The following CACNA2D1 variants were observed in gnomAD, a reference collection of about 807,000 sequenced individuals.
CACNA2D1 encodes calcium voltage-gated channel auxiliary subunit alpha2delta 1, also known as voltage-dependent calcium channel subunit alpha-2/delta-1.
CACNA2D1 carries 53 observed loss-of-function variants against 171.5 expected under a neutral mutation model. That is an observed-to-expected ratio of 0.31 (90% CI 0.25 to 0.39). CACNA2D1 has a LOEUF of 0.39. CACNA2D1 is among the 10% of genes least tolerant of loss of function. CACNA2D1 has a pLI of 1.00. For synonymous variants in CACNA2D1, 442 were observed against 443.1 expected (o/e 1.00, Z 0.03); for missense variants, 903 against 1,299.8 (o/e 0.69, Z 4.69).
intron 32 of CACNA2D1, 60 bp from the exon 33 acceptor site, chr7:81,964,419 C>T (rs1303494881): frequency 3.8e-6 from 5 of 1,306,648 alleles, no homozygotes; most frequent in South Asian, 1.2e-5. Context: ...AAAATGAACA[C>T]GGGAATCACC....
chr7:82,417,210 C>T (rs1422620516), intron 1 of CACNA2D1, among the ~76,000 whole-genome samples: 1 of 152,154 alleles, frequency 6.6e-6, no homozygotes, highest in Non-Finnish European at 1.5e-5. Context: ...AGGGCCACCA[C>T]AAAATCTGTT....
intron 3 of CACNA2D1, among the ~76,000 whole-genome samples, chr7:82,291,798 C>T (rs1811672498): frequency 6.6e-6 from 1 of 151,108 alleles, no homozygotes. Flanking sequence ...AGCCACTGCA[C>T]CCAGCCCAGA....
At chr7:82,184,169 C>CTTT (rs72155870) in intron 3 of CACNA2D1, among the ~76,000 whole-genome samples, 2,680 of 127,352 alleles carry the variant, frequency 0.021, 73 homozygotes, top group East Asian at 0.1. Context: ...TCGGTTTCCT[C>CTTT]TTTTTTTTTT....
chr7:82,215,089 C>A (rs981525178), intron 3 of CACNA2D1, among the ~76,000 whole-genome samples: 14 of 152,168 alleles, frequency 9.2e-5, no homozygotes, highest in African/African-American at 3.4e-4. Context: ...ATTTGTCTTA[C>A]ATGAGTTTCT....
intron 1 of CACNA2D1, among the ~76,000 whole-genome samples, chr7:82,430,417 C>CAAAAAAA (rs3054724): frequency 3.1e-5 from 4 of 129,512 alleles, no homozygotes; most frequent in Admixed American, 8.0e-5. Context: ...GACTCCATCT[C>CAAAAAAA]AAAAAAAAAA....
chr7:82,181,140 T>C (rs1797102243), intron 3 of CACNA2D1, among the ~76,000 whole-genome samples: 1 of 136,254 alleles, frequency 7.3e-6, no homozygotes, highest in Non-Finnish European at 1.5e-5. Context: ...AAGAGAAGTT[T>C]TAACCAGGCC....
chr7:82,077,225 C>G (rs921379502), intron 7 of CACNA2D1, among the ~76,000 whole-genome samples: 3 of 152,138 alleles, frequency 2.0e-5, no homozygotes, highest in African/African-American at 7.2e-5. Flanking sequence ...TCCCCAATAT[C>G]TGTTTTCCTT....
chr7:82,091,223 C>T (rs941688004), intron 6 of CACNA2D1, among the ~76,000 whole-genome samples: 1 of 152,122 alleles, frequency 6.6e-6, no homozygotes, highest in Non-Finnish European at 1.5e-5. Context: ...GATGGGAAGA[C>T]CAAATCTAAT....
At chr7:81,979,166 T>C (rs555666446) in intron 24 of CACNA2D1, among the ~76,000 whole-genome samples, 8 of 152,152 alleles carry the variant, frequency 5.3e-5, no homozygotes, top group African/African-American at 1.9e-4. Flanking sequence ...GTTGTTTGGG[T>C]CTGGGGAGGG....
At chr7:82,340,107 A>G (rs1012972958) in intron 2 of CACNA2D1, among the ~76,000 whole-genome samples, 1 of 152,180 alleles carries the variant, frequency 6.6e-6, no homozygotes, top group African/African-American at 2.4e-5. Flanking sequence ...AAGATAATGA[A>G]TCTGCATTGT....
chr7:82,113,647 G>A (rs1477820490), intron 6 of CACNA2D1, among the ~76,000 whole-genome samples: 1 of 152,120 alleles, frequency 6.6e-6, no homozygotes, highest in Non-Finnish European at 1.5e-5. Flanking sequence ...GAAAAAGGCT[G>A]TTTCCTTCAG....
chr7:81,988,897 C>T (rs1797244139), intron 21 of CACNA2D1, among the ~76,000 whole-genome samples: 1 of 152,018 alleles, frequency 6.6e-6, no homozygotes, highest in South Asian at 2.1e-4. Flanking sequence ...ATAAGTTTCT[C>T]TATATATGTT....
At chr7:81,992,670 A>T (rs1300062843) in intron 20 of CACNA2D1, among the ~76,000 whole-genome samples, 1 of 152,226 alleles carries the variant, frequency 6.6e-6, no homozygotes, top group East Asian at 1.9e-4. Context: ...AGCAGAAATT[A>T]TAATCTTGTT....
intron 3 of CACNA2D1, among the ~76,000 whole-genome samples, chr7:82,334,900 C>T (rs555809049): frequency 6.6e-6 from 1 of 151,842 alleles, no homozygotes; most frequent in South Asian, 2.1e-4. Flanking sequence ...GATACATATA[C>T]ATATAATCAA....
intron 1 of CACNA2D1, among the ~76,000 whole-genome samples, chr7:82,357,414 T>A (rs1820553567): frequency 6.6e-6 from 1 of 152,162 alleles, no homozygotes; most frequent in African/African-American, 2.4e-5. Context: ...TTAATTGTTT[T>A]AAATCCTAAG....
chr7:82,164,671 C>A (rs1195189066), intron 4 of CACNA2D1, among the ~76,000 whole-genome samples: 2 of 151,652 alleles, frequency 1.3e-5, no homozygotes, highest in South Asian at 2.1e-4. Flanking sequence ...GCTTAGTATA[C>A]CCTAAATATA....
intron 3 of CACNA2D1, among the ~76,000 whole-genome samples, chr7:82,284,040 C>T (rs553676637): frequency 6.6e-6 from 1 of 151,534 alleles, no homozygotes; most frequent in African/African-American, 2.4e-5. Context: ...AATATAGAAA[C>T]TACAAAGAAC....
intron 6 of CACNA2D1, among the ~76,000 whole-genome samples, chr7:82,098,067 T>A (rs1303800571): frequency 6.6e-6 from 1 of 152,014 alleles, no homozygotes; most frequent in African/African-American, 2.4e-5. Context: ...TGAGCCGAGG[T>A]TGCAATGAGC....
chr7:82,189,955 C>G (rs574388370), intron 3 of CACNA2D1, among the ~76,000 whole-genome samples: 2 of 151,820 alleles, frequency 1.3e-5, no homozygotes, highest in African/African-American at 4.8e-5. Context: ...GAGCCACAAA[C>G]GTTATTATGC....
Sources: allele counts gnomAD v4.1 joint callset (sites outside exome capture counted in the v4.1 genomes callset), GRCh38; gene constraint gnomAD v4.1.1; transcripts MANE v1.5; gene names NCBI Gene and HGNC (gene_info 2026-07-23, HGNC 2026-07-21).